The following PIK3CA variants were observed in gnomAD, a reference collection of about 807,000 sequenced individuals.
PIK3CA encodes the protein phosphatidylinositol 4,5-bisphosphate 3-kinase catalytic subunit alpha isoform.
A neutral mutation model predicts 138.2 loss-of-function variants in PIK3CA; 27 were observed. That is an observed-to-expected ratio of 0.20 (90% CI 0.14 to 0.27). PIK3CA has a LOEUF of 0.27. PIK3CA is among the 10% of genes least tolerant of loss of function. PIK3CA has a pLI of 1.00. For synonymous variants in PIK3CA, 358 were observed against 413.2 expected, an observed-to-expected ratio of 0.87 and a Z score of 1.62; for missense variants, 544 against 1,277.4, an observed-to-expected ratio of 0.43 and a Z score of 8.75.
At chr3:179,177,559 C>T (rs186073232) in intron 1 of PIK3CA, among the ~76,000 whole-genome samples, 4 of 152,144 alleles carry the variant, frequency 2.6e-5, no homozygotes, top group African/African-American at 4.8e-5. Flanking sequence ...GTGATCCGCC[C>T]GCCTTGGCCT....
At chr3:179,206,093 T>TC (rs949247968) in intron 6 of PIK3CA, among the ~76,000 whole-genome samples, 1 of 149,328 alleles carries the variant, frequency 6.7e-6, no homozygotes, top group Non-Finnish European at 1.5e-5. Flanking sequence ...GATCTTTTTT[T>TC]TTTTTTTTTT....
chr3:179,155,871 TG>T (rs1442941690), intron 1 of PIK3CA, among the ~76,000 whole-genome samples: 3 of 152,182 alleles, frequency 2.0e-5, no homozygotes. Flanking sequence ...TGTGCTGTGG[TG>T]AAAAAAAATT....
At chr3:179,172,102 C>A (rs1304362847) in intron 1 of PIK3CA, among the ~76,000 whole-genome samples, 1 of 151,958 alleles carries the variant, frequency 6.6e-6, no homozygotes, top group Non-Finnish European at 1.5e-5. Flanking sequence ...AATATCAATT[C>A]TGTGTAATAT....
chr3:179,155,765 A>G (rs1039423131), intron 1 of PIK3CA, among the ~76,000 whole-genome samples: 1 of 152,220 alleles, frequency 6.6e-6, no homozygotes, highest in African/African-American at 2.4e-5. Context: ...ATAACTGTAT[A>G]TAAGAAACAC....
In PIK3CA at chr3:179,213,249, T is replaced by C. The variant is rs367931567; in HGVS notation, c.1539+2684T>C. 3.3e-5 allele frequency among the ~76,000 whole-genome samples: 5 copies of C among 152,264 alleles called. No homozygotes were observed. The East Asian group carries it at 7.7e-4, about 23-fold the overall frequency. ...CTAGACCACTGTACTAAAGCAGAAATCACAATAGAGTCACAAATGTTTTGG... is the reference window on the plus strand; with the variant it reads ...CTAGACCACTGTACTAAAGCAGAAACCACAATAGAGTCACAAATGTTTTGG... On this transcript the variant is annotated intron_variant, in intron 9 of 20. Transcript: ENST00000263967.
chr3:179,150,203 T>TG lies in PIK3CA; in HGVS notation c.-77+1602dup, dbSNP rs1560119428. 3.8e-3 allele frequency among the ~76,000 whole-genome samples: 461 copies of TG among 121,412 alleles called. 1 individual carries two copies. Among genetic ancestry groups the TG allele is most frequent in the Non-Finnish European group, 5.7e-3 (331 of 58,410 alleles). The allele number at this position is 121,412 out of a possible 152,430, so 79.7% of individuals were successfully genotyped here. On this transcript the variant is annotated intron_variant, in intron 1 of 20. Coordinates refer to ENST00000263967, the MANE Select transcript of PIK3CA (RefSeq NM_006218.4). ...TGTGTGTGTGTGTGTGTGTGTGTGT[T>TG]GGTATTTTGCTTAAGTTTTTTCATC...
intron 1 of PIK3CA, chr3:179,169,174 G>A (rs890805179): frequency 1.3e-5 from 2 of 152,096 alleles, no homozygotes; most frequent in African/African-American, 4.8e-5. Context: ...AAGACCTCTT[G>A]GTTTCACAGC....
intron 1 of PIK3CA, among the ~76,000 whole-genome samples, chr3:179,163,800 C>A (rs978258262): frequency 2.0e-5 from 3 of 149,668 alleles, no homozygotes; most frequent in Admixed American, 2.0e-4. Context: ...TTTTTTTTTA[C>A]TTTTTGAGTT....
intron 4 of PIK3CA, among the ~76,000 whole-genome samples, chr3:179,203,249 G>A (rs1225335496): frequency 6.6e-6 from 1 of 151,522 alleles, no homozygotes; most frequent in African/African-American, 2.4e-5. Flanking sequence ...CGTGATCCTT[G>A]TTTTTAATTC....
intron 1 of PIK3CA, among the ~76,000 whole-genome samples, chr3:179,197,227 C>T (rs1358696331): frequency 2.6e-5 from 4 of 151,912 alleles, no homozygotes; most frequent in Admixed American, 1.3e-4. Flanking sequence ...TTAGTAGAGA[C>T]GGGGTTTCAC....
intron 1 of PIK3CA, among the ~76,000 whole-genome samples, chr3:179,175,198 G>T (rs1355454620): frequency 1.3e-5 from 2 of 152,090 alleles, no homozygotes; most frequent in Non-Finnish European, 2.9e-5. Flanking sequence ...TAACTGGGAG[G>T]TAATTTTTTT....
At chr3:179,191,977 T>C (rs1208221188) in intron 1 of PIK3CA, among the ~76,000 whole-genome samples, 1 of 152,142 alleles carries the variant, frequency 6.6e-6, no homozygotes, top group Non-Finnish European at 1.5e-5. Flanking sequence ...ACTTTTGAAA[T>C]TGAAACCTGA....
chr3:179,225,415 T>C (rs1011345499), intron 16 of PIK3CA, among the ~76,000 whole-genome samples: 2 of 152,096 alleles, frequency 1.3e-5, no homozygotes, highest in African/African-American at 4.8e-5. Flanking sequence ...AGGAGGATCA[T>C]GGATGGGTTT....
At chr3:179,164,737 C>T (rs1465138202) in intron 1 of PIK3CA, among the ~76,000 whole-genome samples, 4 of 151,940 alleles carry the variant, frequency 2.6e-5, no homozygotes, top group South Asian at 2.1e-4. Context: ...GGCATGGTGG[C>T]GCATACCTGT....
chr3:179,222,452 G>T (rs1439469384), intron 14 of PIK3CA, among the ~76,000 whole-genome samples: 1 of 152,082 alleles, frequency 6.6e-6, no homozygotes, highest in Non-Finnish European at 1.5e-5. Flanking sequence ...TGAGAAAAAA[G>T]AAACTAAATT....
chr3:179,151,045 G>T (rs1177184908), intron 1 of PIK3CA, among the ~76,000 whole-genome samples: 1 of 152,130 alleles, frequency 6.6e-6, no homozygotes, highest in East Asian at 1.9e-4. Context: ...TTTAAATGAA[G>T]TGTTTCTTAA....
At chr3:179,199,624 C>T (rs1014488304) in intron 2 of PIK3CA, 66 bp from the exon 3 acceptor site, 11 of 1,189,810 alleles carry the variant, frequency 9.2e-6, no homozygotes, top group Non-Finnish European at 1.2e-5. Context: ...TCCCTGTTTG[C>T]AAAAAAAACA....
chr3:179,189,297 A>C (rs1203629446), intron 1 of PIK3CA, among the ~76,000 whole-genome samples: 1 of 152,204 alleles, frequency 6.6e-6, no homozygotes, highest in African/African-American at 2.4e-5. Context: ...AGTGCTGCCA[A>C]ACTTAAATAC....
intron 1 of PIK3CA, among the ~76,000 whole-genome samples, chr3:179,156,729 T>A (rs536019711): frequency 6.6e-6 from 1 of 152,324 alleles, no homozygotes; most frequent in African/African-American, 2.4e-5. Flanking sequence ...AATGAGATAT[T>A]ATTTAGAGTT....
Sources: allele counts gnomAD v4.1 joint callset (sites outside exome capture counted in the v4.1 genomes callset), GRCh38; gene constraint gnomAD v4.1.1; transcripts MANE v1.5; gene names NCBI Gene and HGNC (gene_info 2026-07-23, HGNC 2026-07-21).